RTN4RL1: variants seen among roughly 807,000 people sequenced by gnomAD.
RTN4RL1 encodes the protein reticulon-4 receptor-like 1.
A neutral mutation model predicts 25.6 loss-of-function variants in RTN4RL1; 7 were observed. That is an observed-to-expected ratio of 0.27 (90% CI 0.16 to 0.51). RTN4RL1 has a LOEUF of 0.51. Ranked by LOEUF, RTN4RL1 falls within the 20% of genes least tolerant of loss-of-function variation. The pLI is 0.97. For synonymous variants in RTN4RL1, 297 were observed against 288.2 expected, an observed-to-expected ratio of 1.03 and a Z score of -0.31; for missense variants, 500 against 615.6, an observed-to-expected ratio of 0.81 and a Z score of 1.99.
intron 1 of RTN4RL1, among the ~76,000 whole-genome samples, chr17:1,951,623 G>A (rs1053744720): frequency 8.9e-4 from 136 of 152,116 alleles, no homozygotes; most frequent in African/African-American, 3.2e-3. Context: ...GCTAACTTTT[G>A]TATTTTTAGT....
intron 1 of RTN4RL1, among the ~76,000 whole-genome samples, chr17:1,955,670 A>G (rs186255317): frequency 2.6e-5 from 4 of 151,460 alleles, no homozygotes; most frequent in Non-Finnish European, 4.4e-5. Flanking sequence ...TGCAACCTCC[A>G]CCTCCCGGGT....
intron 1 of RTN4RL1, among the ~76,000 whole-genome samples, chr17:2,020,985 C>G (rs1338040696): frequency 6.6e-6 from 1 of 152,162 alleles, no homozygotes; most frequent in African/African-American, 2.4e-5. Flanking sequence ...TGCCTCTCAC[C>G]TCTTAACCAG....
chr17:2,022,669 G>A (rs2067223982), intron 1 of RTN4RL1, among the ~76,000 whole-genome samples: 1 of 152,248 alleles, frequency 6.6e-6, no homozygotes, highest in Non-Finnish European at 1.5e-5. Context: ...GCCCAGGAAA[G>A]AACCAACACA....
chr17:1,999,305 G>C (rs1224739361), intron 1 of RTN4RL1, among the ~76,000 whole-genome samples: 1 of 152,064 alleles, frequency 6.6e-6, no homozygotes, highest in African/African-American at 2.4e-5. Context: ...AATTAGCCGG[G>C]CGTGGTGGCG....
At chr17:1,960,496 T>A (rs1338808189) in intron 1 of RTN4RL1, among the ~76,000 whole-genome samples, 1 of 152,200 alleles carries the variant, frequency 6.6e-6, no homozygotes, top group East Asian at 1.9e-4. Flanking sequence ...CTGGCCTCTG[T>A]TCCTAGACCA....
intron 1 of RTN4RL1, among the ~76,000 whole-genome samples, chr17:1,939,043 C>G (rs1212450830): frequency 6.8e-6 from 1 of 147,416 alleles, no homozygotes; most frequent in Admixed American, 6.9e-5. Context: ...GAGATTCTGT[C>G]TCAAAAAAAA....
At position 1,936,354 on chromosome 17, in the gene RTN4RL1, T is replaced by C. The variant is rs1024893521; in HGVS notation, c.*142A>G. On this transcript the variant is annotated 3_prime_UTR_variant, in exon 2 of 2. Transcript: ENST00000331238. ...TGGGTTTATAATCCACATGGCAGGG[T>C]CCAGACGTCCAGACAGCAGCCGAAG... 2 of 1,436,596 alleles carry C rather than the reference T, an allele frequency of 1.4e-6. No homozygotes were observed. Among genetic ancestry groups the C allele is most frequent in the Non-Finnish European group, 1.8e-6 (2 of 1,101,232 alleles). The allele number at this position is 1,436,596 out of a possible 1,614,324, so 89.0% of individuals were successfully genotyped here. A position where few individuals can be genotyped will look rare whatever the true frequency, so the allele number is the denominator to read the frequency against.
chr17:2,016,787 C>G (rs2067130449), intron 1 of RTN4RL1, among the ~76,000 whole-genome samples: 1 of 152,246 alleles, frequency 6.6e-6, no homozygotes, highest in Non-Finnish European at 1.5e-5. Flanking sequence ...GTGCCCCTCA[C>G]TGGCCATCAA....
At chr17:1,941,953 T>C (rs922703643) in intron 1 of RTN4RL1, among the ~76,000 whole-genome samples, 35 of 152,266 alleles carry the variant, frequency 2.3e-4, no homozygotes, top group African/African-American at 8.2e-4. Context: ...GACCCGCTGA[T>C]TGCCTGATTA....
intron 1 of RTN4RL1, among the ~76,000 whole-genome samples, chr17:2,021,851 G>A (rs951631433): frequency 7.0e-5 from 9 of 128,408 alleles, no homozygotes; most frequent in Non-Finnish European, 9.5e-5. Flanking sequence ...CACTGTGCCC[G>A]GTCTTTTTTT....
intron 1 of RTN4RL1, among the ~76,000 whole-genome samples, chr17:1,941,843 C>T (rs1915444864): frequency 6.6e-6 from 1 of 152,166 alleles, no homozygotes; most frequent in South Asian, 2.1e-4. Context: ...AGTGGGTGCC[C>T]CAGTCTTGGA....
intron 1 of RTN4RL1, among the ~76,000 whole-genome samples, chr17:2,018,556 C>A (rs2067157275): frequency 1.3e-5 from 2 of 152,164 alleles, no homozygotes; most frequent in Admixed American, 6.5e-5. Flanking sequence ...GCGCCCAGCG[C>A]CCCACAAAAC....
chr17:2,015,964 G>A (rs1246135339), intron 1 of RTN4RL1, among the ~76,000 whole-genome samples: 2 of 152,180 alleles, frequency 1.3e-5, no homozygotes, highest in Non-Finnish European at 2.9e-5. Context: ...CAAGCTGGAG[G>A]GGCGGCCAGG....
intron 1 of RTN4RL1, among the ~76,000 whole-genome samples, chr17:2,000,857 G>A (rs1374917315): frequency 2.0e-5 from 3 of 151,872 alleles, no homozygotes; most frequent in African/African-American, 7.3e-5. Flanking sequence ...CAGCAGCCTT[G>A]GGCAAGGCTC....
intron 1 of RTN4RL1, among the ~76,000 whole-genome samples, chr17:1,960,461 G>A (rs968440993): frequency 4.6e-5 from 7 of 152,076 alleles, no homozygotes; most frequent in African/African-American, 1.7e-4. Flanking sequence ...CCCGTCCTGC[G>A]CCACTCTTCA....
intron 1 of RTN4RL1, among the ~76,000 whole-genome samples, chr17:1,939,333 A>G (rs980168995): frequency 3.3e-5 from 5 of 151,564 alleles, no homozygotes; most frequent in Non-Finnish European, 5.9e-5. Context: ...AGCCTGGGCG[A>G]CAGAGCGAAA....
rs775258704 is a variant in RTN4RL1, at chr17:1,937,120, C to T, written c.702G>A (p.Ser234=). 6 of 1,609,676 alleles carry T rather than the reference C, an allele frequency of 3.7e-6. No individual in the cohort carries two copies. Among genetic ancestry groups the T allele is most frequent in the African/African-American group, 1.3e-5 (1 of 74,858 alleles). Residue 234 remains serine (S), a synonymous_variant, in exon 2 of 2, where the codon TCG becomes TCA. Transcript: ENST00000331238. ...GGGCCAGGCACTCACCCTGCAGCTC[C>T]GAGAGGCTGTTGTTGAAGAGGAAGA... ...TTLFLFNNSL[S]ELQGECLAPL...
At chr17:1,939,396 T>TAAATAAATAAAAC (rs1555601799) in intron 1 of RTN4RL1, among the ~76,000 whole-genome samples, 5 of 144,704 alleles carry the variant, frequency 3.5e-5, no homozygotes, top group African/African-American at 7.9e-5. Context: ...ATAAATAAAA[T>TAAATAAATAAAAC]ACAGACAATA....
chr17:2,005,662 G>C (rs2066987986), intron 1 of RTN4RL1, among the ~76,000 whole-genome samples: 1 of 152,206 alleles, frequency 6.6e-6, no homozygotes, highest in East Asian at 1.9e-4. Context: ...AGCCCGGGAG[G>C]TGGAGGCTGC....
Sources: allele counts gnomAD v4.1 joint callset (sites outside exome capture counted in the v4.1 genomes callset), GRCh38; gene constraint gnomAD v4.1.1; transcripts MANE v1.5; gene names NCBI Gene and HGNC (gene_info 2026-07-23, HGNC 2026-07-21).